Variants in UVRAG observed in about 807,000 individuals in gnomAD.
UVRAG encodes UV radiation resistance-associated gene protein.
Under a neutral mutation model 78.0 loss-of-function variants are expected in UVRAG, and 19 were observed. That is an observed-to-expected ratio of 0.24 (90% confidence interval 0.17 to 0.36). The LOEUF (loss-of-function observed/expected upper bound fraction) is 0.36, where lower values mean the gene tolerates loss of function less well. UVRAG is among the 10% of genes least tolerant of loss of function. UVRAG has a pLI of 1.00. For synonymous variants in UVRAG, 323 were observed against 324.6 expected, an observed-to-expected ratio of 1.00 and a Z score of 0.05; for missense variants, 740 against 853.8, an observed-to-expected ratio of 0.87 and a Z score of 1.66.
chr11:76,087,849 G>A lies in UVRAG; in HGVS notation c.1305+22061G>A, dbSNP rs112502638. ...CCCTGATACTACTTGGCATTTGTAA[G>A]CGTTTAGTTGTTTTGGTTTTTTGTT... On this transcript the variant is annotated intron_variant, in intron 13 of 14. Transcript: ENST00000356136. Among the ~76,000 whole-genome samples, 1,042 of 152,210 alleles carry A rather than the reference G, an allele frequency of 6.8e-3. 17 individuals are homozygous for A. The highest frequency in any genetic ancestry group is 0.024 in the African/African-American group (998 of 41,536).
intron 1 of UVRAG, among the ~76,000 whole-genome samples, chr11:75,827,259 G>C (rs1447187852): frequency 6.7e-6 from 1 of 149,884 alleles, no homozygotes; most frequent in South Asian, 2.1e-4. Context: ...TGTAGCTTTT[G>C]TGATTAAGGG....
intron 6 of UVRAG, chr11:75,916,127 C>A (rs561342829): frequency 1.3e-5 from 2 of 151,958 alleles, no homozygotes; most frequent in Non-Finnish European, 2.9e-5. Flanking sequence ...TCCCCTTCTT[C>A]TTCAGAAATA....
At chr11:76,113,796 G>A (rs982880129) in intron 13 of UVRAG, among the ~76,000 whole-genome samples, 1 of 151,968 alleles carries the variant, frequency 6.6e-6, no homozygotes, top group Admixed American at 6.6e-5. Flanking sequence ...GAAGAAGGTT[G>A]GAAAGATGGT....
chr11:75,931,070 CATGACAGAACTATAA>C (rs1948230532), intron 6 of UVRAG, among the ~76,000 whole-genome samples: 1 of 151,350 alleles, frequency 6.6e-6, no homozygotes, highest in Admixed American at 6.6e-5. Flanking sequence ...ATACAGTTAG[CATGACAGAACTATAA>C]ATGTTGATGT....
At chr11:75,830,936 C>T (rs562805363) in intron 1 of UVRAG, among the ~76,000 whole-genome samples, 3 of 152,284 alleles carry the variant, frequency 2.0e-5, no homozygotes, top group South Asian at 2.1e-4. Context: ...CTATTTTCTA[C>T]GTGCCTAAAC....
At chr11:75,854,725 C>T (rs1946247774) in intron 2 of UVRAG, among the ~76,000 whole-genome samples, 1 of 152,086 alleles carries the variant, frequency 6.6e-6, no homozygotes, top group Non-Finnish European at 1.5e-5. Context: ...CCTGAATTGT[C>T]CTTTTTAGAT....
chr11:76,105,687 G>A (rs1030264191), intron 13 of UVRAG, among the ~76,000 whole-genome samples: 2 of 152,180 alleles, frequency 1.3e-5, no homozygotes, highest in Non-Finnish European at 2.9e-5. Context: ...GGTCAAGACT[G>A]CAGTGAGCTG....
chr11:76,131,384 C>T (rs11602884), intron 14 of UVRAG, among the ~76,000 whole-genome samples: 4 of 152,190 alleles, frequency 2.6e-5, no homozygotes. Flanking sequence ...CTGGCCCAAG[C>T]TGGGCCATGG....
At chr11:76,087,680 T>C (rs573439930) in intron 13 of UVRAG, among the ~76,000 whole-genome samples, 1 of 152,318 alleles carries the variant, frequency 6.6e-6, no homozygotes, top group African/African-American at 2.4e-5. Context: ...TTTTTATGTG[T>C]ATTATTTCCT....
At chr11:75,829,806 T>C (rs1022671286) in intron 1 of UVRAG, among the ~76,000 whole-genome samples, 1 of 150,882 alleles carries the variant, frequency 6.6e-6, no homozygotes, top group Non-Finnish European at 1.5e-5. Context: ...ATACTGAAAT[T>C]ATTAATTTTC....
chr11:75,991,541 C>T, intron 8 of UVRAG, among the ~76,000 whole-genome samples: 1 of 152,008 alleles, frequency 6.6e-6, no homozygotes, highest in East Asian at 1.9e-4. Flanking sequence ...CCTTTTATAG[C>T]TGAGGAAACT....
At chr11:76,030,490 C>A (rs953545435) in intron 12 of UVRAG, among the ~76,000 whole-genome samples, 1 of 152,178 alleles carries the variant, frequency 6.6e-6, no homozygotes, top group Non-Finnish European at 1.5e-5. Flanking sequence ...AATGCTGAAG[C>A]CCTTATTCTT....
At chr11:76,004,157 G>C in intron 9 of UVRAG, 68 bp downstream of exon 9, 4 of 1,501,828 alleles carry the variant, frequency 2.7e-6, no homozygotes, top group Non-Finnish European at 3.7e-6. Flanking sequence ...TGAAAAAGTA[G>C]CATTCTTTAA....
At chr11:76,039,699 A>T (rs750870361) in intron 12 of UVRAG, among the ~76,000 whole-genome samples, 2 of 152,188 alleles carry the variant, frequency 1.3e-5, no homozygotes, top group Non-Finnish European at 2.9e-5. Flanking sequence ...GCATGGCGAA[A>T]CCCTGTCTCT....
intron 7 of UVRAG, among the ~76,000 whole-genome samples, chr11:75,976,782 C>T (rs947656810): frequency 4.6e-5 from 7 of 151,952 alleles, no homozygotes; most frequent in African/African-American, 1.7e-4. Context: ...GTCTTGCTAG[C>T]GGTCTGTCAA....
intron 12 of UVRAG, among the ~76,000 whole-genome samples, chr11:76,023,282 T>C (rs1056975196): frequency 2.0e-5 from 3 of 152,204 alleles, no homozygotes; most frequent in African/African-American, 7.2e-5. Flanking sequence ...GTGTAGGCCC[T>C]TCAGGTTTTT....
chr11:75,908,828 G>A (rs1402089090), intron 5 of UVRAG, among the ~76,000 whole-genome samples: 1 of 147,682 alleles, frequency 6.8e-6, no homozygotes, highest in African/African-American at 2.5e-5. Flanking sequence ...GTCATTTTTG[G>A]TAGTTTCTGT....
chr11:76,094,632 C>T (rs558924967), intron 13 of UVRAG, among the ~76,000 whole-genome samples: 24 of 152,142 alleles, frequency 1.6e-4, no homozygotes, highest in Middle Eastern at 3.4e-3. Context: ...TCTAGATTTT[C>T]TAGTTTATTT....
rs182056960 is a variant in UVRAG, at chr11:75,932,390, T to C, written c.593+20351T>C. 8.9e-3 allele frequency among the ~76,000 whole-genome samples: 1,351 copies of C among 152,150 alleles called. 19 individuals are homozygous for C. The highest frequency in any genetic ancestry group is 0.031 in the African/African-American group (1,302 of 41,488). On this transcript the variant is annotated intron_variant, in intron 6 of 14. Coordinates refer to ENST00000356136, the MANE Select transcript of UVRAG (RefSeq NM_003369.4). Reference sequence around the variant, plus strand: ...ACCTCTGCCTCCCGAGTTCAAGTGATTCTCCTGCCTCAGCCTCCCGAATAG... The same window carrying C: ...ACCTCTGCCTCCCGAGTTCAAGTGACTCTCCTGCCTCAGCCTCCCGAATAG...
Sources: gnomAD v4.1 joint callset for allele counts (sites outside exome capture counted in the v4.1 genomes callset) on GRCh38, gnomAD v4.1.1 for gene constraint, MANE v1.5 for transcripts, NCBI Gene and HGNC (gene_info 2026-07-23, HGNC 2026-07-21) for gene names.